The following DLG2 variants were observed in gnomAD, a reference collection of about 807,000 sequenced individuals.
DLG2 encodes discs large MAGUK scaffold protein 2.
DLG2 carries 45 observed loss-of-function variants against 132.5 expected under a neutral mutation model. That is an observed-to-expected ratio of 0.34 (90% CI 0.27 to 0.44). The LOEUF (loss-of-function observed/expected upper bound fraction) is 0.44. Among genes scored for constraint, DLG2 ranks in the 20% least tolerant of loss-of-function variants. The pLI is 1.00. For synonymous variants in DLG2, 424 were observed against 419.6 expected (o/e 1.01, Z -0.13); for missense variants, 1,045 against 1,196.9 (o/e 0.87, Z 1.87).
At chr11:84,714,617 T>TCTCTCTCTCTCTCTCTCTCTCTCTC (rs2060938628) in intron 6 of DLG2, among the ~76,000 whole-genome samples, 2 of 96,606 alleles carry the variant, frequency 2.1e-5, no homozygotes, top group Admixed American at 9.9e-5. Flanking sequence ...CTCTTTCTCT[T>TCTCTCTCTCTCTCTCTCTCTCTCTC]TCTCTTTCTC....
intron 3 of DLG2, among the ~76,000 whole-genome samples, chr11:85,406,773 C>A (rs868320730): frequency 3.3e-5 from 5 of 151,926 alleles, no homozygotes; most frequent in Middle Eastern, 3.4e-3. Flanking sequence ...TCTGCTCCTG[C>A]AGAGCTTAGA....
chr11:84,524,810 C>T (rs1042465266), intron 7 of DLG2, among the ~76,000 whole-genome samples: 1 of 150,800 alleles, frequency 6.6e-6, no homozygotes, highest in Non-Finnish European at 1.5e-5. Flanking sequence ...TGGTCAGGGC[C>T]TCATGACTGT....
At chr11:84,379,980 A>C (rs1395706597) in intron 7 of DLG2, among the ~76,000 whole-genome samples, 2 of 152,068 alleles carry the variant, frequency 1.3e-5, no homozygotes, top group Non-Finnish European at 2.9e-5. Context: ...CTAAAGTAAC[A>C]CAACTAAATA....
At chr11:83,827,811 G>A (rs539859367) in intron 17 of DLG2, among the ~76,000 whole-genome samples, 1 of 152,280 alleles carries the variant, frequency 6.6e-6, no homozygotes, top group Non-Finnish European at 1.5e-5. Flanking sequence ...AATGCCTGAG[G>A]AGGCGACTGC....
chr11:84,141,323 T>A (rs1301106685), intron 9 of DLG2, among the ~76,000 whole-genome samples: 2 of 151,496 alleles, frequency 1.3e-5, no homozygotes, highest in East Asian at 1.9e-4. Flanking sequence ...ATAGAATGTA[T>A]ATAAATATAT....
At chr11:83,557,366 T>C (rs1277654610) in intron 19 of DLG2, among the ~76,000 whole-genome samples, 1 of 152,232 alleles carries the variant, frequency 6.6e-6, no homozygotes, top group Non-Finnish European at 1.5e-5. Flanking sequence ...CAGGCTGCTT[T>C]TGATGGTACT....
intron 7 of DLG2, among the ~76,000 whole-genome samples, chr11:84,258,250 C>T (rs544059280): frequency 3.2e-4 from 49 of 152,092 alleles, no homozygotes; most frequent in African/African-American, 1.1e-3. Flanking sequence ...AAAGACACAT[C>T]GATGGTTGTG....
chr11:85,569,115 T>A (rs1712725049), intron 3 of DLG2, among the ~76,000 whole-genome samples: 1 of 152,212 alleles, frequency 6.6e-6, no homozygotes, highest in Admixed American at 6.5e-5. Context: ...CACTGCAACC[T>A]CCACCTCCCA....
chr11:83,688,022 A>G (rs949638351), intron 18 of DLG2, among the ~76,000 whole-genome samples: 3 of 152,040 alleles, frequency 2.0e-5, no homozygotes, highest in African/African-American at 2.4e-5. Context: ...AAAGAAAAAA[A>G]AAAAAAAGGA....
At chr11:84,856,319 T>C (rs935662863) in intron 6 of DLG2, among the ~76,000 whole-genome samples, 3 of 152,088 alleles carry the variant, frequency 2.0e-5, no homozygotes, top group Non-Finnish European at 4.4e-5. Context: ...GGGAAAGCTA[T>C]TGGGAAATAA....
At chr11:84,848,179 A>G (rs2081734056) in intron 6 of DLG2, among the ~76,000 whole-genome samples, 1 of 152,082 alleles carries the variant, frequency 6.6e-6, no homozygotes, top group Non-Finnish European at 1.5e-5. Flanking sequence ...ACATGTGCCA[A>G]CCTAGATTTC....
intron 7 of DLG2, among the ~76,000 whole-genome samples, chr11:84,500,488 C>T (rs1280597190): frequency 2.0e-5 from 3 of 152,096 alleles, no homozygotes; most frequent in East Asian, 3.9e-4. Context: ...AGTAAATCAC[C>T]TGGGGTCTTG....
chr11:85,187,451 T>C (rs970041647), intron 4 of DLG2, among the ~76,000 whole-genome samples: 2 of 152,104 alleles, frequency 1.3e-5, no homozygotes, highest in Non-Finnish European at 2.9e-5. Context: ...TTTAATGTTA[T>C]TAATTTGAGT....
intron 15 of DLG2, among the ~76,000 whole-genome samples, chr11:83,928,250 T>C (rs1262436726): frequency 6.6e-6 from 1 of 151,942 alleles, no homozygotes; most frequent in East Asian, 1.9e-4. Flanking sequence ...AATTAGGGTG[T>C]GTAATTTGAA....
At chr11:84,027,832 G>C (rs1348072281) in intron 11 of DLG2, among the ~76,000 whole-genome samples, 1 of 151,810 alleles carries the variant, frequency 6.6e-6, no homozygotes, top group Non-Finnish European at 1.5e-5. Flanking sequence ...ATAACACAAA[G>C]ATTTGTAAAA....
intron 3 of DLG2, among the ~76,000 whole-genome samples, chr11:85,421,623 C>T (rs944619104): frequency 6.6e-6 from 1 of 152,026 alleles, no homozygotes; most frequent in African/African-American, 2.4e-5. Flanking sequence ...TTCTGCAATT[C>T]TGTATCTTTT....
At chr11:84,387,680 C>T (rs1224101734) in intron 7 of DLG2, among the ~76,000 whole-genome samples, 3 of 152,296 alleles carry the variant, frequency 2.0e-5, no homozygotes, top group African/African-American at 7.2e-5. Flanking sequence ...ATTTATCAAT[C>T]TAACTTTATC....
chr11:85,256,730 G>A (rs1484625305), intron 4 of DLG2, among the ~76,000 whole-genome samples: 6 of 152,016 alleles, frequency 3.9e-5, no homozygotes, highest in Non-Finnish European at 7.4e-5. Flanking sequence ...TGTGAGGGGG[G>A]GTCAGGGAAC....
chr11:85,502,089 T>C (rs556845236), intron 3 of DLG2, among the ~76,000 whole-genome samples: 1 of 151,980 alleles, frequency 6.6e-6, no homozygotes, highest in East Asian at 1.9e-4. Context: ...TATGCAGCCA[T>C]AAAAAAGGAT....
Sources: allele counts gnomAD v4.1 joint callset (sites outside exome capture counted in the v4.1 genomes callset), GRCh38; gene constraint gnomAD v4.1.1; transcripts MANE v1.5; gene names NCBI Gene and HGNC (gene_info 2026-07-23, HGNC 2026-07-21).